PLCE1: variants seen among roughly 807,000 people sequenced by gnomAD.
The protein encoded by PLCE1 is phospholipase C epsilon 1, also known as 1-phosphatidylinositol 4,5-bisphosphate phosphodiesterase epsilon-1.
In PLCE1, 119 loss-of-function variants were observed where a neutral mutation model predicts 242.8. That is an observed-to-expected ratio of 0.49 (90% CI 0.42 to 0.57). PLCE1 has a LOEUF of 0.57. PLCE1 is among the 20% of genes least tolerant of loss of function. The pLI, the probability that PLCE1 is intolerant of heterozygous loss-of-function variation, is 0.00. For missense variants in PLCE1, 2,441 were observed against 2,788.8 expected, an observed-to-expected ratio of 0.88 and a Z score of 2.81; for synonymous variants, 945 against 1,017.4, an observed-to-expected ratio of 0.93 and a Z score of 1.35.
intron 1 of PLCE1, among the ~76,000 whole-genome samples, chr10:94,025,173 G>A (rs1172155448): frequency 6.6e-6 from 1 of 152,024 alleles, no homozygotes; most frequent in East Asian, 1.9e-4. Flanking sequence ...AAGAAAGAGG[G>A]GCAGGAAAAG....
intron 3 of PLCE1, among the ~76,000 whole-genome samples, chr10:94,148,971 C>T (rs1393070141): frequency 6.6e-6 from 1 of 152,154 alleles, no homozygotes; most frequent in Non-Finnish European, 1.5e-5. Context: ...TTTCTCACCT[C>T]TCACACAGCA....
In PLCE1 at chr10:94,255,013, C is replaced by A; in HGVS notation, c.3518C>A (p.Ser1173Tyr). The A allele has an allele frequency of 6.2e-7, 1 of 1,614,154 alleles. No individual in the cohort carries two copies. The highest frequency in any genetic ancestry group is 8.5e-7 in the Non-Finnish European group (1 of 1,180,006). The change falls in exon 11 of 33, where the codon TCC becomes TAC. Residue 1173 changes from serine to tyrosine, a missense_variant. Ser to Tyr is a moderately radical substitution (Grantham distance 144). Coordinates refer to ENST00000371380, the MANE Select transcript of PLCE1 (RefSeq NM_016341.4). ...TCATCTCCCATCAGGCCAGTGTCCT[C>A]CCCTGTGCTGTCTTCTTCAAACAAG... Reference protein sequence around the residue: ...GTSSPIRPVSSPVLSSSNKSP... With the variant: ...GTSSPIRPVSYPVLSSSNKSP...
chr10:94,060,458 A>G (rs1415270731), intron 2 of PLCE1, among the ~76,000 whole-genome samples: 3 of 152,158 alleles, frequency 2.0e-5, no homozygotes, highest in Admixed American at 1.3e-4. Context: ...ATGGGAAACA[A>G]GATTAGCTTG....
chr10:94,273,113 G>A (rs576444108), intron 18 of PLCE1, among the ~76,000 whole-genome samples: 139 of 152,280 alleles, frequency 9.1e-4, no homozygotes, highest in Admixed American at 2.1e-3. Flanking sequence ...AAATCTTTGT[G>A]AGAATTGTGT....
At chr10:94,318,523 G>GGGTT (rs1160371039) in intron 29 of PLCE1, among the ~76,000 whole-genome samples, 8 of 152,152 alleles carry the variant, frequency 5.3e-5, no homozygotes, top group African/African-American at 1.9e-4. Context: ...AATCATGACA[G>GGGTT]GGTTAGAAGT....
At chr10:94,137,863 C>A in intron 3 of PLCE1, 1 of 276,196 alleles carries the variant, frequency 3.6e-6, no homozygotes, top group South Asian at 4.7e-5. Flanking sequence ...ATTTGCTGCT[C>A]AACTACAGTC....
chr10:94,208,374 G>A (rs1216388168), intron 4 of PLCE1, among the ~76,000 whole-genome samples: 1 of 152,200 alleles, frequency 6.6e-6, no homozygotes, highest in Admixed American at 6.5e-5. Context: ...CAGAATGTAA[G>A]GCCTGTAATC....
At chr10:93,995,058 C>T (rs1013385385) in intron 1 of PLCE1, among the ~76,000 whole-genome samples, 9 of 152,128 alleles carry the variant, frequency 5.9e-5, no homozygotes, top group African/African-American at 1.2e-4. Flanking sequence ...TTATACCCCC[C>T]GTAGAGGTAG....
intron 2 of PLCE1, among the ~76,000 whole-genome samples, chr10:94,041,712 G>C (rs2061770738): frequency 6.6e-6 from 1 of 152,184 alleles, no homozygotes; most frequent in Admixed American, 6.5e-5. Context: ...GCTTCTGTCA[G>C]TGGGGGTTCG....
intron 3 of PLCE1, among the ~76,000 whole-genome samples, chr10:94,163,103 G>T (rs1411291141): frequency 6.6e-6 from 1 of 152,138 alleles, no homozygotes; most frequent in Admixed American, 6.5e-5. Flanking sequence ...GAATAGGTGT[G>T]GTGTGGTGCT....
At position 94,312,252 on chromosome 10, in the gene PLCE1, A is replaced by G. The variant is rs994373989; in HGVS notation, c.6004-1002A>G. On this transcript the variant is annotated intron_variant, in intron 27 of 32. Transcript: ENST00000371380. ...AAGACAACCTCTCCTCCCCACCCCA[A>G]ATAAAAATTAAGTACATGCTAAACA... 1.1e-4 allele frequency among the ~76,000 whole-genome samples: 17 copies of G among 152,184 alleles called. 1 individual carries two copies. The highest frequency in any genetic ancestry group is 4.1e-4 in the African/African-American group (17 of 41,450).
At chr10:94,198,911 G>A (rs1320408237) in intron 4 of PLCE1, among the ~76,000 whole-genome samples, 5 of 152,098 alleles carry the variant, frequency 3.3e-5, no homozygotes, top group African/African-American at 1.2e-4. Flanking sequence ...AATTATCTGG[G>A]CATGGTGGCA....
intron 7 of PLCE1, 114 bp from the exon 8 acceptor site, chr10:94,245,832 T>C (rs1340853433): frequency 1.2e-6 from 1 of 856,670 alleles, no homozygotes; most frequent in Non-Finnish European, 2.0e-6. Flanking sequence ...GTATTTCCTA[T>C]GCTAATTTGA....
At chr10:94,044,496 A>G (rs546936733) in intron 2 of PLCE1, among the ~76,000 whole-genome samples, 2 of 152,356 alleles carry the variant, frequency 1.3e-5, no homozygotes, top group East Asian at 3.9e-4. Context: ...AAGCAAAGGT[A>G]AAACTATATG....
intron 8 of PLCE1, 45 bp downstream of exon 8, chr10:94,246,666 A>C: frequency 7.4e-5 from 114 of 1,544,848 alleles, no homozygotes; most frequent in Non-Finnish European, 9.5e-5. Flanking sequence ...CATAATACTC[A>C]AGAGCACACA....
chr10:94,138,233 G>T, intron 3 of PLCE1: 1 of 326,184 alleles, frequency 3.1e-6, no homozygotes, highest in South Asian at 2.8e-5. Context: ...ATCACCAGGG[G>T]GTGCTGCATA....
Position 94,321,963 on chromosome 10 carries a change from G to A in PLCE1, c.6405G>A (p.Glu2135=), listed in dbSNP as rs780072788. ...AGGTGATCTTGAGCTCAGAGGAGGA[G>A]AGTTTCTTTGTCCAAGTGCATGATG... The part of the protein sequence containing the change: ...DKEVILSSEE[E]SFFVQVHDVS... Residue 2135 remains glutamate (E), a synonymous_variant, in exon 30 of 33, where the codon GAG becomes GAA. Transcript: ENST00000371380. The A allele has an allele frequency of 6.2e-7, 1 of 1,613,864 alleles. No homozygotes were observed. The highest frequency in any genetic ancestry group is 8.5e-7 in the Non-Finnish European group (1 of 1,179,778).
intron 16 of PLCE1, among the ~76,000 whole-genome samples, chr10:94,267,033 T>G (rs1464608352): frequency 6.6e-6 from 1 of 152,166 alleles, no homozygotes; most frequent in Non-Finnish European, 1.5e-5. Flanking sequence ...CTCTACACAC[T>G]ACATACTGGC....
intron 11 of PLCE1, among the ~76,000 whole-genome samples, chr10:94,255,906 ACACACACACTCTCTCTCT>A (rs1386808154): frequency 3.0e-5 from 3 of 98,452 alleles, no homozygotes; most frequent in Non-Finnish European, 6.4e-5. Context: ...ACACACACAC[ACACACACACTCTCTCTCT>A]CTCTCTCTCT....
Sources: allele counts gnomAD v4.1 joint callset (sites outside exome capture counted in the v4.1 genomes callset), GRCh38; gene constraint gnomAD v4.1.1; transcripts MANE v1.5; gene names NCBI Gene and HGNC (gene_info 2026-07-23, HGNC 2026-07-21).